Variants in ARHGEF7 observed in about 807,000 individuals in gnomAD.
The protein encoded by ARHGEF7 is PAK-interacting exchange factor beta.
A neutral mutation model predicts 109.8 loss-of-function variants in ARHGEF7; 33 were observed. That is an observed-to-expected ratio of 0.30 (90% CI 0.23 to 0.40). The LOEUF is 0.40. Among genes scored for constraint, ARHGEF7 ranks in the 10% least tolerant of loss-of-function variants. ARHGEF7 has a pLI of 1.00. For synonymous variants in ARHGEF7, 458 were observed against 424.6 expected (o/e 1.08, Z -0.97); for missense variants, 938 against 1,098.5 (o/e 0.85, Z 2.07).
At chr13:111,250,867 G>A (rs1490136231) in intron 8 of ARHGEF7, among the ~76,000 whole-genome samples, 1 of 152,164 alleles carries the variant, frequency 6.6e-6, no homozygotes, top group Non-Finnish European at 1.5e-5. Flanking sequence ...AAAGATGTAG[G>A]GTAAGGGATG....
In ARHGEF7 at chr13:111,243,756, T is replaced by C. The variant is rs994917518; in HGVS notation, c.760-116T>C. 5 of 649,102 alleles carry C rather than the reference T, an allele frequency of 7.7e-6. No individual in the cohort carries two copies. In the African/African-American group the frequency reaches 9.2e-5, roughly 12 times the overall value. 40.2% of individuals were successfully genotyped at this position (649,102 alleles called of 1,614,324 possible). ...ATGATGATACTCAACACTTTAGTAT[T>C]ACATAGAAGTAACAGTGTGAATTGA... On this transcript the variant is annotated intron_variant, in intron 6 of 21. Transcript: ENST00000646102.
chr13:111,207,720 G>T (rs1306825806), intron 3 of ARHGEF7, among the ~76,000 whole-genome samples: 4 of 152,184 alleles, frequency 2.6e-5, no homozygotes, highest in Non-Finnish European at 4.4e-5. Flanking sequence ...ACTCAGTCTT[G>T]GGATTGTCAA....
intron 2 of ARHGEF7, among the ~76,000 whole-genome samples, chr13:111,177,842 G>A (rs1316397369): frequency 6.6e-6 from 1 of 151,410 alleles, no homozygotes; most frequent in Non-Finnish European, 1.5e-5. Context: ...AAAGTGTTAA[G>A]AAGGGTATAT....
At position 111,273,820 on chromosome 13, in the gene ARHGEF7, G is replaced by T; in HGVS notation, c.1080G>T (p.Glu360Asp). ...CTTGCCACTTGCTGCCCAGTGAGGA[G>T]TTGGGGGAGTTCATGGAGACCAAAG... ...AVNVLTEHSE[E>D]LGEFMETKGA... is the part of the protein sequence containing the mutation. The change falls in exon 10 of 22, where the codon GAG becomes GAT. Residue 360 changes from glutamate (E) to aspartate (D), a missense_variant. This residue lies in a region of ARHGEF7 where 585 missense variants were observed against 723.6 expected (regional missense o/e 0.81). Transcript: ENST00000646102. This position sits in a 1 kb window ranked among gnomAD's most constrained non-coding sequence, Gnocchi z 4.5. The T allele has an allele frequency of 6.2e-7, 1 of 1,614,218 alleles. No individual in the cohort carries two copies. Among genetic ancestry groups the T allele is most frequent in the African/African-American group, 1.3e-5 (1 of 75,056 alleles).
intron 4 of ARHGEF7, among the ~76,000 whole-genome samples, chr13:111,216,864 A>G (rs1489409760): frequency 1.3e-5 from 2 of 152,252 alleles, no homozygotes; most frequent in Admixed American, 6.5e-5. Context: ...TCCGGGGCAG[A>G]TGGAAATCAA....
At chr13:111,185,921 T>C (rs2153436618) in intron 2 of ARHGEF7, among the ~76,000 whole-genome samples, 1 of 152,094 alleles carries the variant, frequency 6.6e-6, no homozygotes, top group Admixed American at 6.5e-5. Flanking sequence ...CGATCTTGGT[T>C]CTGCCTTTGT....
chr13:111,279,411 C>T (rs770023809), intron 13 of ARHGEF7, among the ~76,000 whole-genome samples: 113 of 152,260 alleles, frequency 7.4e-4, no homozygotes, highest in Non-Finnish European at 1.3e-3. Context: ...TGAGCCCCTG[C>T]CAGGTTGTGG....
At chr13:111,157,449 G>T (rs763184549) in intron 2 of ARHGEF7, among the ~76,000 whole-genome samples, 7 of 151,940 alleles carry the variant, frequency 4.6e-5, no homozygotes, top group Non-Finnish European at 7.4e-5. Flanking sequence ...GGAGGCTGAG[G>T]CGGGTAGATC....
At chr13:111,147,690 C>CTTTTTTTT (rs11463808) in intron 1 of ARHGEF7, among the ~76,000 whole-genome samples, 5 of 82,348 alleles carry the variant, frequency 6.1e-5, no homozygotes, top group Non-Finnish European at 8.8e-5. Context: ...CAGAGGTCAC[C>CTTTTTTTT]TTTTTTTTTT....
chr13:111,252,258 C>G (rs898594384), intron 8 of ARHGEF7, among the ~76,000 whole-genome samples: 1 of 152,214 alleles, frequency 6.6e-6, no homozygotes, highest in Non-Finnish European at 1.5e-5. Context: ...CTGCCTTCCA[C>G]TTCTCTAAGC....
In ARHGEF7 at chr13:111,305,021, T is replaced by G. The variant is rs1316094575; in HGVS notation, c.*1908T>G. On this transcript the variant is annotated 3_prime_UTR_variant, in exon 22 of 22. Transcript: ENST00000646102. Reference sequence around the variant, plus strand: ...TCCGCCCCTCTGCCGGGAGGCGACATTAACTGTCCTCTCGGAGCCGGTAGC... The same window carrying G: ...TCCGCCCCTCTGCCGGGAGGCGACAGTAACTGTCCTCTCGGAGCCGGTAGC... The G allele has an allele frequency of 6.6e-6, 1 of 152,252 alleles. No individual in the cohort carries two copies. The highest frequency in any genetic ancestry group is 2.4e-5 in the African/African-American group (1 of 41,480). 9.4% of individuals were successfully genotyped at this position (152,252 alleles called of 1,614,324 possible).
intron 2 of ARHGEF7, among the ~76,000 whole-genome samples, chr13:111,197,999 C>G (rs1280030926): frequency 6.6e-6 from 1 of 151,816 alleles, no homozygotes; most frequent in East Asian, 1.9e-4. Context: ...CGCTCATGGC[C>G]ACAGGGTCAA....
chr13:111,277,464 C>A, intron 12 of ARHGEF7, 123 bp from the exon 13 acceptor site: 1 of 615,474 alleles, frequency 1.6e-6, no homozygotes, highest in Non-Finnish European at 2.8e-6. Flanking sequence ...GATAGAAATA[C>A]CTAAACGAGA....
chr13:111,242,017 C>G (rs2087875055), intron 6 of ARHGEF7, among the ~76,000 whole-genome samples: 1 of 152,126 alleles, frequency 6.6e-6, no homozygotes, highest in Non-Finnish European at 1.5e-5. Context: ...CACGGTTTAC[C>G]TCTGCTCACC....
chr13:111,283,432 G>A lies in ARHGEF7; in HGVS notation c.1950+69G>A, dbSNP rs138073155. The A allele has an allele frequency of 1.4e-4, 205 of 1,508,960 alleles. 2 individuals are homozygous for A. The African/African-American group carries it at 2.0e-3, about 15-fold the overall frequency. The allele number at this position is 1,508,960 out of a possible 1,614,324, so 93.5% of individuals were successfully genotyped here. Reference sequence around the variant, plus strand: ...TGCCTCGGGCCCTGGGTGTGCCCACGTGCTGGGCCTTCTGTGTACAGCAAA... The same window carrying A: ...TGCCTCGGGCCCTGGGTGTGCCCACATGCTGGGCCTTCTGTGTACAGCAAA... On this transcript the variant is annotated intron_variant, in intron 16 of 21. Coordinates refer to ENST00000646102, the MANE Select transcript of ARHGEF7 (RefSeq NM_001354046.2).
chr13:111,226,351 A>G (rs2085208239), intron 5 of ARHGEF7, among the ~76,000 whole-genome samples: 1 of 152,246 alleles, frequency 6.6e-6, no homozygotes, highest in African/African-American at 2.4e-5. Flanking sequence ...GATCTAGCTG[A>G]CATCATCGGT....
intron 18 of ARHGEF7, 151 bp from the exon 19 acceptor site, chr13:111,291,967 T>C: frequency 1.5e-6 from 1 of 645,928 alleles, no homozygotes; most frequent in Non-Finnish European, 2.6e-6. Context: ...AGGAAAAATA[T>C]GCATTGTTGC....
At chr13:111,206,687 T>C (rs1002695964) in intron 3 of ARHGEF7, among the ~76,000 whole-genome samples, 38 of 151,334 alleles carry the variant, frequency 2.5e-4, no homozygotes, top group Admixed American at 6.6e-4. Context: ...CACAGCCGGG[T>C]GTGGTGGCTC....
intron 6 of ARHGEF7, among the ~76,000 whole-genome samples, chr13:111,242,985 C>T (rs552305571): frequency 7.9e-5 from 12 of 152,234 alleles, no homozygotes; most frequent in African/African-American, 2.9e-4. Flanking sequence ...GTTTTTAAGA[C>T]TTAAATTATT....
Sources: gnomAD v4.1 joint callset for allele counts (sites outside exome capture counted in the v4.1 genomes callset) on GRCh38, gnomAD v4.1.1 for gene constraint, gnomAD v4.1.1 regional missense constraint, Gnocchi (gnomAD v3.1) non-coding constraint, MANE v1.5 for transcripts, NCBI Gene and HGNC (gene_info 2026-07-23, HGNC 2026-07-21) for gene names.